TENM2: variants seen among roughly 807,000 people sequenced by gnomAD.
TENM2 encodes the protein teneurin transmembrane protein 2, also known as teneurin-2.
In TENM2, 52 loss-of-function variants were observed where a neutral mutation model predicts 245.2. The observed-to-expected ratio is 0.21, with a 90% CI of 0.17 to 0.27. The LOEUF is 0.27. Among genes scored for constraint, TENM2 ranks in the 10% least tolerant of loss-of-function variants. The pLI, the probability that TENM2 is intolerant of heterozygous loss-of-function variation, is 1.00. For missense variants in TENM2, 3,046 were observed against 3,666.8 expected (o/e 0.83, Z 4.37); for synonymous variants, 1,363 against 1,438.9 (o/e 0.95, Z 1.19).
chr5:168,023,792 C>A (rs1342398643), intron 5 of TENM2, among the ~76,000 whole-genome samples: 1 of 152,152 alleles, frequency 6.6e-6, no homozygotes, highest in Admixed American at 6.5e-5. Flanking sequence ...GGAGGGTGCT[C>A]TCTTGCCACC....
the TENM2 span, among the ~76,000 whole-genome samples, chr5:167,009,568 G>A: frequency 6.6e-6 from 1 of 152,116 alleles, no homozygotes; most frequent in Non-Finnish European, 1.5e-5. Context: ...TCGTTGAATG[G>A]CATGGTCCCA....
At chr5:167,598,580 G>A (rs1464196657) in intron 2 of TENM2, among the ~76,000 whole-genome samples, 1 of 152,186 alleles carries the variant, frequency 6.6e-6, no homozygotes, top group South Asian at 2.1e-4. Context: ...GGGTGACCCC[G>A]TGTTGGAAAA....
intron 3 of TENM2, among the ~76,000 whole-genome samples, chr5:167,883,279 C>T (rs1055062134): frequency 9.9e-5 from 15 of 152,208 alleles, no homozygotes; most frequent in Non-Finnish European, 1.9e-4. Context: ...AGGACTCTCT[C>T]GGCATTGTTA....
At chr5:167,779,156 G>T (rs765844038) in intron 2 of TENM2, among the ~76,000 whole-genome samples, 1 of 152,236 alleles carries the variant, frequency 6.6e-6, no homozygotes, top group Non-Finnish European at 1.5e-5. Context: ...CAGCAGTGGT[G>T]AGCGGTAGCT....
chr5:168,066,121 A>C (rs1470670494), intron 7 of TENM2, among the ~76,000 whole-genome samples: 1 of 152,224 alleles, frequency 6.6e-6, no homozygotes, highest in African/African-American at 2.4e-5. Context: ...TCTGCTTCGC[A>C]TGTCCCTCTT....
chr5:167,695,168 T>A (rs1268689017), intron 2 of TENM2, among the ~76,000 whole-genome samples: 1 of 152,186 alleles, frequency 6.6e-6, no homozygotes, highest in African/African-American at 2.4e-5. Context: ...GCACCTGCAG[T>A]GGCATTAAAT....
At chr5:168,146,795 G>T (rs1174319231) in intron 12 of TENM2, among the ~76,000 whole-genome samples, 2 of 152,218 alleles carry the variant, frequency 1.3e-5, no homozygotes, top group Non-Finnish European at 2.9e-5. Flanking sequence ...CTGTCAATGA[G>T]AGGGGCCGGT....
At chr5:168,007,132 CT>C (rs72126954) in intron 5 of TENM2, among the ~76,000 whole-genome samples, 103 of 146,654 alleles carry the variant, frequency 7.0e-4, no homozygotes, top group Admixed American at 9.5e-4. Flanking sequence ...CTTTTTCTTT[CT>C]TTTTTTTTTT....
intron 2 of TENM2, among the ~76,000 whole-genome samples, chr5:167,450,151 T>C (rs1382952183): frequency 6.6e-6 from 1 of 152,142 alleles, no homozygotes; most frequent in Non-Finnish European, 1.5e-5. Context: ...ATCTCTCTTC[T>C]TTTTTCTCTC....
At chr5:167,448,680 T>C (rs868074426) in intron 2 of TENM2, among the ~76,000 whole-genome samples, 1 of 151,584 alleles carries the variant, frequency 6.6e-6, no homozygotes, top group Non-Finnish European at 1.5e-5. Context: ...GAAAATTAAA[T>C]GCATTTATTA....
intron 2 of TENM2, among the ~76,000 whole-genome samples, chr5:167,869,838 A>T (rs1583235566): frequency 7.3e-6 from 1 of 137,276 alleles, no homozygotes; most frequent in South Asian, 2.1e-4. Flanking sequence ...GAACCACGTT[A>T]AAAAAAAAAA....
chr5:167,842,772 G>A (rs1450279758), intron 2 of TENM2, among the ~76,000 whole-genome samples: 1 of 152,030 alleles, frequency 6.6e-6, no homozygotes, highest in Non-Finnish European at 1.5e-5. Context: ...TTGTGGCAGT[G>A]TCAAGCTACT....
At chr5:167,553,889 G>A (rs1773107227) in intron 2 of TENM2, among the ~76,000 whole-genome samples, 1 of 152,214 alleles carries the variant, frequency 6.6e-6, no homozygotes, top group Non-Finnish European at 1.5e-5. Flanking sequence ...TCCCAGGTGG[G>A]CCAGGCAGGC....
At chr5:167,573,005 A>G (rs61687391) in intron 2 of TENM2, among the ~76,000 whole-genome samples, 3,270 of 152,210 alleles carry the variant, frequency 0.021, 127 homozygotes, top group African/African-American at 0.075. Flanking sequence ...ACTAATGAAG[A>G]GAAACACCGT....
At chr5:167,947,620 C>G (rs545696763) in intron 3 of TENM2, among the ~76,000 whole-genome samples, 56 of 152,304 alleles carry the variant, frequency 3.7e-4, no homozygotes, top group African/African-American at 1.3e-3. Flanking sequence ...ACAGGGTGTC[C>G]TGGTGCCAGT....
At chr5:167,646,797 G>A (rs1779997619) in intron 2 of TENM2, among the ~76,000 whole-genome samples, 1 of 152,108 alleles carries the variant, frequency 6.6e-6, no homozygotes, top group African/African-American at 2.4e-5. Context: ...AATTGGGAGT[G>A]GAAAGACTAC....
At chr5:167,109,518 AACCCT>A in the TENM2 span, among the ~76,000 whole-genome samples, 1 of 152,226 alleles carries the variant, frequency 6.6e-6, no homozygotes, top group Non-Finnish European at 1.5e-5. Context: ...AAATGCTATA[AACCCT>A]TTAAATACAA....
intron 2 of TENM2, among the ~76,000 whole-genome samples, chr5:167,875,185 G>T (rs768318617): frequency 1.3e-5 from 2 of 152,168 alleles, no homozygotes; most frequent in Non-Finnish European, 2.9e-5. Flanking sequence ...AGGCAGATGG[G>T]CAAATTTCAA....
intron 19 of TENM2, among the ~76,000 whole-genome samples, chr5:168,209,567 AC>A (rs1479745497): frequency 6.6e-6 from 1 of 152,128 alleles, no homozygotes; most frequent in Non-Finnish European, 1.5e-5. Flanking sequence ...CAACAAAACA[AC>A]CCTGTGGCTA....
Sources: allele counts gnomAD v4.1 joint callset (sites outside exome capture counted in the v4.1 genomes callset), GRCh38; gene constraint gnomAD v4.1.1; transcripts MANE v1.5; gene names NCBI Gene and HGNC (gene_info 2026-07-23, HGNC 2026-07-21).